Variants in GABRG3 observed in about 807,000 individuals in gnomAD.
GABRG3 encodes gamma-aminobutyric acid receptor subunit gamma-3.
Under a neutral mutation model 48.8 loss-of-function variants are expected in GABRG3, and 25 were observed. That is an observed-to-expected ratio of 0.51 (90% CI 0.37 to 0.72). GABRG3 has a LOEUF of 0.72. Among genes scored for constraint, GABRG3 ranks in the 30% least tolerant of loss-of-function variants. The pLI is 0.00. For missense variants in GABRG3, 394 were observed against 577.9 expected, an observed-to-expected ratio of 0.68 and a Z score of 3.26; for synonymous variants, 227 against 217.6, an observed-to-expected ratio of 1.04 and a Z score of -0.38.
rs988499309 is a variant in GABRG3 at position 27,236,640 on chromosome 15, T to C, written c.271-90169T>C. On this transcript the variant is annotated intron_variant, in intron 3 of 9. Coordinates refer to ENST00000615808, the MANE Select transcript of GABRG3 (RefSeq NM_033223.5). This position sits in a 1 kb window ranked among gnomAD's most constrained non-coding sequence, Gnocchi z 4.4. ...GCCCACCAGTTTCACAATACACCTGTTCCTGATTAGAGACCACCAGCCACA... is the reference window on the plus strand; with the variant it reads ...GCCCACCAGTTTCACAATACACCTGCTCCTGATTAGAGACCACCAGCCACA... 2.6e-5 allele frequency among the ~76,000 whole-genome samples: 4 copies of C among 152,180 alleles called. No individual in the cohort carries two copies.
At chr15:27,088,654 G>A (rs546424488) in intron 3 of GABRG3, among the ~76,000 whole-genome samples, 5 of 152,166 alleles carry the variant, frequency 3.3e-5, no homozygotes, top group Non-Finnish European at 7.4e-5. Flanking sequence ...GGGCTTCTTC[G>A]TCACGTGGCC....
intron 3 of GABRG3, among the ~76,000 whole-genome samples, chr15:27,064,702 C>T (rs1025938677): frequency 1.3e-5 from 2 of 152,142 alleles, no homozygotes; most frequent in Admixed American, 6.5e-5. Context: ...GCGTGCAGCA[C>T]GCAACCCACA....
chr15:27,479,601 T>C (rs999085734), intron 5 of GABRG3, among the ~76,000 whole-genome samples: 1 of 152,266 alleles, frequency 6.6e-6, no homozygotes, highest in Non-Finnish European at 1.5e-5. Context: ...TTAATATGTT[T>C]GCATACATAT....
chr15:27,296,848 C>CTT (rs34801465), intron 3 of GABRG3, among the ~76,000 whole-genome samples: 3 of 147,110 alleles, frequency 2.0e-5, no homozygotes, highest in Admixed American at 6.8e-5. Context: ...ACTCCTTCTA[C>CTT]TTTTTTTTTT....
intron 3 of GABRG3, among the ~76,000 whole-genome samples, chr15:27,276,553 T>C (rs550213652): frequency 6.6e-6 from 1 of 152,300 alleles, no homozygotes; most frequent in Admixed American, 6.5e-5. Flanking sequence ...CAGTGTACTG[T>C]ATGATAATTT....
At chr15:27,468,651 G>T (rs984857451) in intron 5 of GABRG3, among the ~76,000 whole-genome samples, 8 of 152,094 alleles carry the variant, frequency 5.3e-5, no homozygotes, top group African/African-American at 1.2e-4. Context: ...ACTCCTCACT[G>T]TATTATTATG....
In GABRG3 at chr15:27,373,798, C is replaced by T. The variant is rs370224888; in HGVS notation, c.574+44910C>T. On this transcript the variant is annotated intron_variant, in intron 5 of 9. Coordinates refer to ENST00000615808, the MANE Select transcript of GABRG3 (RefSeq NM_033223.5). ...AAACATGGATAATTTTATCTATAAA[C>T]ATTCAAATTATCATGAAAACACCAA... Among the ~76,000 whole-genome samples, 4 of 152,210 alleles carry T rather than the reference C, an allele frequency of 2.6e-5. No homozygotes were observed. In the East Asian group the frequency reaches 7.7e-4, roughly 29 times the overall value.
intron 3 of GABRG3, among the ~76,000 whole-genome samples, chr15:27,189,928 A>G (rs1215379364): frequency 6.6e-6 from 1 of 152,178 alleles, no homozygotes; most frequent in East Asian, 1.9e-4. Context: ...GAGAGTTTTT[A>G]GCATGAAGTG....
chr15:27,311,828 C>A (rs1893004028), intron 3 of GABRG3, among the ~76,000 whole-genome samples: 1 of 152,020 alleles, frequency 6.6e-6, no homozygotes, highest in South Asian at 2.1e-4. Context: ...CTCCGAAAAT[C>A]TCTGCTTGGG....
At chr15:26,990,917 G>T (rs1394403005) in intron 2 of GABRG3, among the ~76,000 whole-genome samples, 1 of 149,428 alleles carries the variant, frequency 6.7e-6, no homozygotes, top group African/African-American at 2.5e-5. Context: ...TGATTCTTTT[G>T]CCTCAGCCTC....
At chr15:27,216,211 AGGG>A (rs1889240772) in intron 3 of GABRG3, among the ~76,000 whole-genome samples, 1 of 152,234 alleles carries the variant, frequency 6.6e-6, no homozygotes, top group Non-Finnish European at 1.5e-5. Flanking sequence ...ATTCGGGTGC[AGGG>A]CCCTCTGCAA....
intron 3 of GABRG3, among the ~76,000 whole-genome samples, chr15:27,048,535 C>T (rs1896403028): frequency 6.6e-6 from 1 of 152,164 alleles, no homozygotes; most frequent in Non-Finnish European, 1.5e-5. Flanking sequence ...TTCCACCCGT[C>T]CCCCATGGTC....
At chr15:27,500,896 G>A (rs1448421591) in intron 6 of GABRG3, among the ~76,000 whole-genome samples, 1 of 150,200 alleles carries the variant, frequency 6.7e-6, no homozygotes, top group African/African-American at 2.4e-5. Flanking sequence ...AAAGGTAAAA[G>A]ATGACGTTAG....
intron 3 of GABRG3, among the ~76,000 whole-genome samples, chr15:27,306,106 A>C (rs1286557647): frequency 1.7e-5 from 2 of 120,434 alleles, no homozygotes; most frequent in Non-Finnish European, 3.3e-5. Flanking sequence ...TTTATATATA[A>C]ACATATATAA....
At chr15:27,461,896 C>G (rs1311457377) in intron 5 of GABRG3, among the ~76,000 whole-genome samples, 3 of 152,200 alleles carry the variant, frequency 2.0e-5, no homozygotes, top group Non-Finnish European at 4.4e-5. Flanking sequence ...TGTTTCGATA[C>G]ATGTGTTAAA....
At chr15:27,282,478 G>T (rs932458645) in intron 3 of GABRG3, among the ~76,000 whole-genome samples, 1 of 151,934 alleles carries the variant, frequency 6.6e-6, no homozygotes, top group African/African-American at 2.4e-5. Flanking sequence ...TTCCTCTCTC[G>T]CATCCATTCT....
chr15:27,275,375 C>CT (rs1891219639), intron 3 of GABRG3, among the ~76,000 whole-genome samples: 1 of 152,122 alleles, frequency 6.6e-6, no homozygotes, highest in Non-Finnish European at 1.5e-5. Context: ...GTAAGACCAG[C>CT]TTTCATATAG....
Position 27,537,728 on chromosome 15 carries a change from C to T in GABRG3, c.*4847C>T, listed in dbSNP as rs756333668. ...TTCTTTCCTCCTTTTAAAATTTCTA[C>T]TGATTACAAGCTAGCAATTTCAGGA... On this transcript the variant is annotated 3_prime_UTR_variant, in exon 10 of 10. Coordinates refer to ENST00000615808, the MANE Select transcript of GABRG3 (RefSeq NM_033223.5). The T allele has an allele frequency of 6.6e-6, 1 of 151,828 alleles. No individual in the cohort carries two copies. The highest frequency in any genetic ancestry group is 1.5e-5 in the Non-Finnish European group (1 of 67,972). 9.4% of individuals were successfully genotyped at this position (151,828 alleles called of 1,614,324 possible).
intron 5 of GABRG3, among the ~76,000 whole-genome samples, chr15:27,416,256 G>A (rs1005297245): frequency 6.6e-5 from 10 of 152,100 alleles, no homozygotes; most frequent in African/African-American, 2.4e-4. Context: ...GTGTGGGTGG[G>A]GAAACTTCAT....
Sources: allele counts gnomAD v4.1 joint callset (sites outside exome capture counted in the v4.1 genomes callset), GRCh38; gene constraint gnomAD v4.1.1; non-coding constraint Gnocchi (gnomAD v3.1); transcripts MANE v1.5; gene names NCBI Gene and HGNC (gene_info 2026-07-23, HGNC 2026-07-21).